Variants in ELAVL4 observed in about 807,000 individuals in gnomAD.
The protein encoded by ELAVL4 is ELAV like RNA binding protein 4, also known as ELAV-like protein 4.
Under a neutral mutation model 35.6 loss-of-function variants are expected in ELAVL4, and 1 was observed. The ratio of observed to expected loss-of-function variants is 0.03; its 90% CI spans 0.01 to 0.13. The LOEUF (loss-of-function observed/expected upper bound fraction) is 0.13. Among genes scored for constraint, ELAVL4 ranks in the 10% least tolerant of loss-of-function variants. The pLI is 1.00. For synonymous variants in ELAVL4, 156 were observed against 171.0 expected (o/e 0.91, Z 0.69); for missense variants, 267 against 464.9 (o/e 0.57, Z 3.91).
At chr1:50,110,099 A>T in intron 1 of ELAVL4, 2 of 1,159,508 alleles carry the variant, frequency 1.7e-6, no homozygotes, top group East Asian at 5.1e-5. Context: ...TTGTGTGTGT[A>T]TGTATGTGTG....
intron 1 of ELAVL4, chr1:50,109,591 G>A: frequency 2.5e-6 from 1 of 401,056 alleles, no homozygotes; most frequent in South Asian, 3.4e-5. Context: ...GGATGCAGCG[G>A]GGTTAGGAAT....
upstream of ELAVL4, among the ~76,000 whole-genome samples, chr1:50,108,496 A>T (rs901305673): frequency 1.3e-5 from 2 of 152,192 alleles, no homozygotes; most frequent in African/African-American, 4.8e-5. Context: ...CTAGAAAGCA[A>T]CTGTCTAGAA....
chr1:50,110,051 A>T, intron 1 of ELAVL4: 1 of 1,514,316 alleles, frequency 6.6e-7, no homozygotes. Flanking sequence ...ATGTGTAAGG[A>T]TGCTGGACTG....
rs2494876 is a variant in ELAVL4 at position 50,200,843 on chromosome 1, C to T, written c.774-8C>T. 1,421,960 of 1,610,364 alleles carry T rather than the reference C, an allele frequency of 0.88. 638,891 individuals are homozygous for T. The highest frequency in any genetic ancestry group is 0.92 in the Non-Finnish European group (1,087,626 of 1,178,342). The stretch of plus-strand genomic sequence containing the variant: ...TGGACCAGTCCCCCCTTCTGCTTGT[C>T]CCCCCAGGTTCTCCCCAATTACCAT... On this transcript the variant is annotated splice_polypyrimidine_tract_variant and splice_region_variant and intron_variant, in intron 6 of 6. Transcript: ENST00000371824.
chr1:50,193,571 T>C (rs1020657260), intron 3 of ELAVL4, among the ~76,000 whole-genome samples, 194 bp from the exon 4 acceptor site: 2 of 152,202 alleles, frequency 1.3e-5, no homozygotes, highest in African/African-American at 4.8e-5. Flanking sequence ...AACTCTCCTG[T>C]TGTTCCTCTA....
At chr1:50,061,812 G>T (rs769802647) in intron 1 of ELAVL4, among the ~76,000 whole-genome samples, 6 of 152,180 alleles carry the variant, frequency 3.9e-5, no homozygotes, top group Non-Finnish European at 7.4e-5. Context: ...AGGTTGGCAG[G>T]CCTTTGTCTG....
chr1:50,129,629 T>C (rs1055495716), intron 1 of ELAVL4, among the ~76,000 whole-genome samples: 3 of 152,154 alleles, frequency 2.0e-5, no homozygotes, highest in African/African-American at 7.2e-5. Flanking sequence ...GCTATGTGTT[T>C]ACTGGTTTGG....
intron 2 of ELAVL4, among the ~76,000 whole-genome samples, chr1:50,158,965 A>G (rs892858884): frequency 6.6e-6 from 1 of 150,524 alleles, no homozygotes; most frequent in African/African-American, 2.5e-5. Flanking sequence ...TGAACCCAGG[A>G]GGCAGAGGTT....
intron 1 of ELAVL4, among the ~76,000 whole-genome samples, chr1:50,087,216 A>G (rs1284370440): frequency 6.6e-6 from 1 of 152,208 alleles, no homozygotes; most frequent in East Asian, 1.9e-4. Flanking sequence ...GAATTTTAAA[A>G]CATGGCTTAT....
chr1:50,073,178 G>A (rs893963231), intron 1 of ELAVL4, among the ~76,000 whole-genome samples: 1 of 152,050 alleles, frequency 6.6e-6, no homozygotes, highest in African/African-American at 2.4e-5. Context: ...GGGAGTGGAG[G>A]GTACATCTCT....
chr1:50,192,940 G>T (rs754217283), intron 3 of ELAVL4, among the ~76,000 whole-genome samples: 5 of 152,226 alleles, frequency 3.3e-5, no homozygotes, highest in South Asian at 2.1e-4. Context: ...GTTAGCTTTT[G>T]GGGGGAAGAA....
At chr1:50,115,250 C>T (rs926727517) in intron 1 of ELAVL4, 1 of 152,074 alleles carries the variant, frequency 6.6e-6, no homozygotes, top group Non-Finnish European at 1.5e-5. Context: ...CTACAAGGAT[C>T]AAGAAATGCT....
upstream of ELAVL4, among the ~76,000 whole-genome samples, chr1:50,102,322 A>C (rs1019304694): frequency 6.7e-6 from 1 of 149,936 alleles, no homozygotes; most frequent in Non-Finnish European, 1.5e-5. Context: ...AATAAAATAA[A>C]ATAAAATAAA....
intron 1 of ELAVL4, among the ~76,000 whole-genome samples, chr1:50,089,145 C>T (rs1427386419): frequency 1.3e-5 from 2 of 152,112 alleles, no homozygotes; most frequent in African/African-American, 2.4e-5. Context: ...CAGAAATGGT[C>T]GCTGGCTTTG....
At chr1:50,137,517 AAGGAAGGAAGGAAGGAAGGC>A (rs1672086355) in intron 1 of ELAVL4, among the ~76,000 whole-genome samples, 1 of 151,410 alleles carries the variant, frequency 6.6e-6, no homozygotes, top group Non-Finnish European at 1.5e-5. Flanking sequence ...AAAAAAAGGG[AAGGAAGGAAGGAAGGAAGGC>A]AGGAAGGAAG....
At chr1:50,071,359 A>G (rs1664506847) in intron 1 of ELAVL4, among the ~76,000 whole-genome samples, 1 of 152,200 alleles carries the variant, frequency 6.6e-6, no homozygotes, top group Admixed American at 6.5e-5. Flanking sequence ...GCCTGGCACT[A>G]TTCATTCCAC....
At chr1:50,139,028 C>A (rs1230919768) in intron 1 of ELAVL4, among the ~76,000 whole-genome samples, 2 of 152,160 alleles carry the variant, frequency 1.3e-5, no homozygotes, top group East Asian at 1.9e-4. Context: ...GAAAAAAAAT[C>A]TGCATTTGAA....
At chr1:50,090,781 C>T (rs1302178781) in intron 1 of ELAVL4, among the ~76,000 whole-genome samples, 1 of 152,220 alleles carries the variant, frequency 6.6e-6, no homozygotes, top group Non-Finnish European at 1.5e-5. Flanking sequence ...ATGTGCATCA[C>T]TTCCACCCAC....
chr1:50,143,328 A>G (rs1427523560), intron 1 of ELAVL4, among the ~76,000 whole-genome samples: 29 of 152,224 alleles, frequency 1.9e-4, no homozygotes, highest in Non-Finnish European at 2.5e-4. Flanking sequence ...GGAAGCTACT[A>G]GTTATCAGAT....
Sources: allele counts gnomAD v4.1 joint callset (sites outside exome capture counted in the v4.1 genomes callset), GRCh38; gene constraint gnomAD v4.1.1; transcripts MANE v1.5; gene names NCBI Gene and HGNC (gene_info 2026-07-23, HGNC 2026-07-21).